ALDH3B2: variants seen among roughly 807,000 people sequenced by gnomAD.
ALDH3B2 encodes aldehyde dehydrogenase family 3 member B2.
In ALDH3B2, 45 loss-of-function variants were observed where a neutral mutation model predicts 36.7. The observed-to-expected ratio is 1.23, with a 90% confidence interval of 0.97 to 1.57. The LOEUF (loss-of-function observed/expected upper bound fraction) is 1.57, where lower values mean the gene tolerates loss of function less well. Among genes scored for constraint, ALDH3B2 ranks in the 40% most tolerant of loss-of-function variants. The pLI is 0.00. For synonymous variants in ALDH3B2, 217 were observed against 226.5 expected (o/e 0.96, Z 0.38); for missense variants, 464 against 513.3 (o/e 0.90, Z 0.93).
At chr11:67,666,319 G>A in exon 5 of ALDH3B2, 2 of 1,608,086 alleles carry the variant, frequency 1.2e-6, no homozygotes, top group South Asian at 2.2e-5. Context: ...CCCTCACCTG[G>A]TCCAGGTACT....
At chr11:67,668,675 T>C (rs114216273) in intron 1 of ALDH3B2, among the ~76,000 whole-genome samples, 11,542 of 151,038 alleles carry the variant, frequency 0.076, 460 homozygotes, top group East Asian at 0.12. Context: ...TGTATGGGTG[T>C]CTGTGTGTGT....
At position 67,666,556 on chromosome 11, in the gene ALDH3B2, T is replaced by A; in HGVS notation, c.151+18A>T. 1 of 1,613,560 alleles carries A rather than the reference T, an allele frequency of 6.2e-7. No homozygotes were observed. The highest frequency in any genetic ancestry group is 1.1e-5 in the South Asian group (1 of 91,042). On this transcript the variant is annotated intron_variant, in intron 4 of 9. Coordinates refer to ENST00000349015, the Ensembl canonical transcript of ALDH3B2. ...CTACTGGGCGGGGAGAGCATGGGGT[T>A]CGGAACGCCCTCCTCACCTGCGGCG...
chr11:67,663,980 C>T (rs1287294761), intron 8 of ALDH3B2, among the ~76,000 whole-genome samples: 1 of 152,186 alleles, frequency 6.6e-6, no homozygotes, highest in Non-Finnish European at 1.5e-5. Context: ...GACCAGGAAG[C>T]CCTGCAGGAT....
At chr11:67,666,074 C>T (rs1477699855) in intron 6 of ALDH3B2, 48 bp downstream of exon 6, 8 of 1,601,922 alleles carry the variant, frequency 5.0e-6, no homozygotes, top group Non-Finnish European at 6.0e-6. Context: ...ACCCTCTCTC[C>T]TGATGATCCC....
chr11:67,666,107 G>T lies in ALDH3B2; in HGVS notation c.319+15C>A. ...CCCCTCCACCTACTCTGGGACCCTG[G>T]CCTGGCCCCCTCACCTGTGAAGAAG... On this transcript the variant is annotated intron_variant, in intron 6 of 9. Transcript: ENST00000349015. 6.2e-7 allele frequency: 1 copy of T among 1,613,680 alleles called. No individual in the cohort carries two copies.
At chr11:67,672,909 CTTTCTTTTCT>C (rs201752224) in intron 1 of ALDH3B2, among the ~76,000 whole-genome samples, 11,023 of 145,328 alleles carry the variant, frequency 0.076, 397 homozygotes, top group Non-Finnish European at 0.092. Context: ...AACTTTCTTT[CTTTCTTTTCT>C]TTTCTTTTCT....
intron 1 of ALDH3B2, among the ~76,000 whole-genome samples, chr11:67,669,780 CTGTGTGTGTATGGGTGTG>C (rs1343508001): frequency 3.2e-3 from 184 of 57,344 alleles, no homozygotes; most frequent in African/African-American, 0.012. Context: ...GTATGGGTGT[CTGTGTGTGTATGGGTGTG>C]TGTGTCCACG....
intron 7 of ALDH3B2, 75 bp downstream of exon 7, chr11:67,665,210 C>G (rs1203101406): frequency 1.3e-6 from 2 of 1,525,558 alleles, no homozygotes; most frequent in Admixed American, 4.3e-5. Flanking sequence ...AGTCCAGACT[C>G]GTGGCCCAGC....
At chr11:67,675,673 T>A (rs1856253420), upstream of ALDH3B2, among the ~76,000 whole-genome samples, 1 of 152,096 alleles carries the variant, frequency 6.6e-6, no homozygotes, top group African/African-American at 2.4e-5. Flanking sequence ...TAGCTAAAGA[T>A]GTAAATGCCA....
At chr11:67,665,198 C>T (rs763480134) in intron 7 of ALDH3B2, 87 bp downstream of exon 7, 105 of 1,515,130 alleles carry the variant, frequency 6.9e-5, no homozygotes, top group Non-Finnish European at 8.5e-5. Flanking sequence ...GTTTCAGGTG[C>T]GAGTCCAGAC....
At chr11:67,665,800 C>T in intron 6 of ALDH3B2, 129 bp from the exon 7 acceptor site, 2 of 1,371,406 alleles carry the variant, frequency 1.5e-6, no homozygotes. Context: ...GGTGAGGAGA[C>T]CCCATCCTCA....
At chr11:67,664,022 G>A (rs1267047020) in intron 8 of ALDH3B2, among the ~76,000 whole-genome samples, 3 of 152,204 alleles carry the variant, frequency 2.0e-5, no homozygotes, top group African/African-American at 7.2e-5. Flanking sequence ...AGTCGCGACG[G>A]TGAGGTTAGG....
At chr11:67,670,077 C>T (rs1449917365) in intron 1 of ALDH3B2, among the ~76,000 whole-genome samples, 1 of 7,480 alleles carries the variant, frequency 1.3e-4, no homozygotes, top group African/African-American at 2.9e-4. Context: ...TGTGTGTCCA[C>T]ATGTGTCTGT....
chr11:67,677,857 C>CA (rs1051810874), upstream of ALDH3B2, among the ~76,000 whole-genome samples: 16 of 151,424 alleles, frequency 1.1e-4, no homozygotes, highest in Non-Finnish European at 1.6e-4. Context: ...TTGACGATAG[C>CA]AAAAAAACAA....
chr11:67,678,882 G>C (rs1177420547), upstream of ALDH3B2, among the ~76,000 whole-genome samples: 1 of 151,942 alleles, frequency 6.6e-6, no homozygotes, highest in Non-Finnish European at 1.5e-5. Flanking sequence ...GCAATGATCT[G>C]GATGAGATTG....
At chr11:67,663,461 C>T (rs763244482) in intron 9 of ALDH3B2, 62 bp from the exon 10 acceptor site, 5 of 1,557,742 alleles carry the variant, frequency 3.2e-6, no homozygotes, top group East Asian at 2.3e-5. Flanking sequence ...CAGCAGCAGC[C>T]CACTGCCCCG....
chr11:67,667,219 T>C (rs1855945780), intron 2 of ALDH3B2, among the ~76,000 whole-genome samples: 1 of 152,198 alleles, frequency 6.6e-6, no homozygotes, highest in Admixed American at 6.5e-5. Flanking sequence ...GGGCAAGCGA[T>C]GTTAACCCCT....
At chr11:67,667,157 G>A in intron 2 of ALDH3B2, 141 bp from the exon 3 acceptor site, 1 of 607,258 alleles carries the variant, frequency 1.6e-6, no homozygotes, top group Non-Finnish European at 2.9e-6. Flanking sequence ...CGTCCCCTGG[G>A]AACTGCGCAT....
chr11:67,672,042 C>CATATATATATATATATAT (rs57997475), intron 1 of ALDH3B2, among the ~76,000 whole-genome samples: 2 of 49,494 alleles, frequency 4.0e-5, no homozygotes, highest in African/African-American at 2.0e-4. Context: ...CGATGTACTT[C>CATATATATATATATATAT]ATATATATAT....
Sources: gnomAD v4.1 joint callset for allele counts (sites outside exome capture counted in the v4.1 genomes callset) on GRCh38, gnomAD v4.1.1 for gene constraint, MANE v1.5 for transcripts, NCBI Gene and HGNC (gene_info 2026-07-23, HGNC 2026-07-21) for gene names.